HORMAD2: variants seen among roughly 807,000 people sequenced by gnomAD.
HORMAD2 encodes the protein HORMA domain-containing protein 2.
Under a neutral mutation model 38.8 loss-of-function variants are expected in HORMAD2, and 45 were observed. The ratio of observed to expected loss-of-function variants is 1.16; its 90% CI spans 0.91 to 1.49. The LOEUF (loss-of-function observed/expected upper bound fraction) is 1.49, where lower values mean the gene tolerates loss of function less well. Ranked by LOEUF, HORMAD2 falls within the 40% of genes most tolerant of loss-of-function variation. The pLI, the probability that HORMAD2 is intolerant of heterozygous loss-of-function variation, is 0.00. For synonymous variants in HORMAD2, 126 were observed against 122.8 expected (o/e 1.03, Z -0.17); for missense variants, 338 against 367.0 (o/e 0.92, Z 0.65).
downstream of HORMAD2, among the ~76,000 whole-genome samples, chr22:30,178,009 C>T (rs1926554942): frequency 6.6e-6 from 1 of 152,126 alleles, no homozygotes; most frequent in Admixed American, 6.6e-5. Context: ...CTACAATTGT[C>T]AGTTGTCAAA....
chr22:30,098,772 C>A, intron 2 of HORMAD2, 80 bp from the exon 3 acceptor site: 1 of 1,191,036 alleles, frequency 8.4e-7, no homozygotes, highest in Middle Eastern at 2.9e-4. Context: ...GAAATCTTTT[C>A]ATCATATATG....
At chr22:30,206,907 A>G in the HORMAD2 span, 19 of 354,246 alleles carry the variant, frequency 5.4e-5, no homozygotes, top group South Asian at 4.1e-4. Flanking sequence ...ACCTCAAGTG[A>G]CACCCGAGCA....
At chr22:30,155,101 GA>G (rs1192514576) in intron 10 of HORMAD2, among the ~76,000 whole-genome samples, 1 of 150,648 alleles carries the variant, frequency 6.6e-6, no homozygotes, top group Admixed American at 6.6e-5. Flanking sequence ...AAGAAAGAAA[GA>G]AAGAAGGAAT....
At chr22:30,202,398 G>A in the HORMAD2 span, among the ~76,000 whole-genome samples, 4 of 151,510 alleles carry the variant, frequency 2.6e-5, no homozygotes, top group Non-Finnish European at 4.4e-5. Context: ...GAGTGGAATG[G>A]ATTTTTTTTT....
At chr22:30,200,731 G>GTATTATTATTATTAT in the HORMAD2 span, among the ~76,000 whole-genome samples, 2,194 of 141,512 alleles carry the variant, frequency 0.016, 30 homozygotes, top group Admixed American at 0.036. Flanking sequence ...CAACAGAAAT[G>GTATTATTATTATTAT]TATTATTATT....
the HORMAD2 span, chr22:30,184,658 G>T: frequency 6.6e-6 from 1 of 152,140 alleles, no homozygotes; most frequent in Non-Finnish European, 1.5e-5. Context: ...AGAGGAGGTG[G>T]TAGAACGATC....
rs34150968 is a variant in HORMAD2, at chr22:30,093,956, G to A, written c.4G>A (p.Ala2Thr). The A allele has an allele frequency of 8.9e-3, 14,207 of 1,602,492 alleles. 62 individuals carry two copies. Among genetic ancestry groups the A allele is most frequent in the Non-Finnish European group, 0.011 (13,245 of 1,172,364 alleles). M[A>T]TAQLSHCITI... Reference sequence around the variant, plus strand: ...ATAATCCTGATACATTCCTACAATGGCCACTGCTCAGCTTTCTCACTGCAT... The same window carrying A: ...ATAATCCTGATACATTCCTACAATGACCACTGCTCAGCTTTCTCACTGCAT... Residue 2 changes from alanine (A) to threonine (T), a missense_variant, in exon 2 of 11, where the codon GCC (alanine) becomes ACC (threonine). By Grantham distance (58) the Ala-to-Thr change is moderately conservative. Transcript: ENST00000336726.
At position 30,122,101 on chromosome 22, in the gene HORMAD2, AC is replaced by A. The variant is rs1240892128; in HGVS notation, c.707del (p.Thr236LysfsTer6). The A allele has an allele frequency of 3.7e-6, 6 of 1,613,788 alleles. No individual in the cohort carries two copies. The highest frequency in any genetic ancestry group is 1.7e-5 in the Admixed American group (1 of 59,952). The part of the protein sequence containing the change: ...GFHSMKVKVM[T>X]EATKVIDLEN... ...TCATAGCATGAAAGTAAAAGTCATGACAGAGGCTACAAAAGTGATTGATTTG... is the reference window on the plus strand; with the variant it reads ...TCATAGCATGAAAGTAAAAGTCATGAAGAGGCTACAAAAGTGATTGATTTG... On this transcript the variant is annotated frameshift_variant, in exon 10 of 11. Transcript: ENST00000336726. LOFTEE classifies it high-confidence loss of function.
At chr22:30,099,342 G>A (rs191763954) in intron 3 of HORMAD2, among the ~76,000 whole-genome samples, 339 of 152,278 alleles carry the variant, frequency 2.2e-3, no homozygotes, top group Non-Finnish European at 3.9e-3. Context: ...TTAGCATTGA[G>A]GAAGTTCAAA....
chr22:30,145,956 A>G (rs1924386476), intron 10 of HORMAD2, among the ~76,000 whole-genome samples: 5 of 152,242 alleles, frequency 3.3e-5, no homozygotes, highest in African/African-American at 1.2e-4. Flanking sequence ...AATATCTCTC[A>G]TGACTATGGC....
the HORMAD2 span, among the ~76,000 whole-genome samples, chr22:30,197,134 T>G: frequency 6.6e-6 from 1 of 151,708 alleles, no homozygotes; most frequent in African/African-American, 2.4e-5. Context: ...CTAGAGGGAG[T>G]GCTGGGTGAT....
the HORMAD2 span, among the ~76,000 whole-genome samples, chr22:30,188,152 T>C: frequency 6.6e-6 from 1 of 152,184 alleles, no homozygotes; most frequent in East Asian, 1.9e-4. Flanking sequence ...AAGACAGTAG[T>C]GGTCATTGCT....
chr22:30,103,156 G>A (rs938869821), intron 3 of HORMAD2, among the ~76,000 whole-genome samples: 8 of 152,038 alleles, frequency 5.3e-5, no homozygotes, highest in African/African-American at 1.2e-4. Flanking sequence ...ATTCTACAGC[G>A]GCAAAGAAAG....
At chr22:30,150,204 A>T (rs553720656) in intron 10 of HORMAD2, among the ~76,000 whole-genome samples, 6 of 152,206 alleles carry the variant, frequency 3.9e-5, no homozygotes, top group South Asian at 2.1e-4. Context: ...TTCGATTTTT[A>T]AAAAAATAAT....
At chr22:30,170,045 T>C (rs532551142) in intron 10 of HORMAD2, among the ~76,000 whole-genome samples, 2 of 152,266 alleles carry the variant, frequency 1.3e-5, no homozygotes, top group East Asian at 1.9e-4. Context: ...AAAATATAAA[T>C]GTTAAGGGAA....
chr22:30,186,799 G>T, the HORMAD2 span, among the ~76,000 whole-genome samples: 8 of 151,826 alleles, frequency 5.3e-5, 1 homozygote, highest in Admixed American at 2.0e-4. Context: ...AAAGGTCAAG[G>T]ATCCTTTCAG....
the HORMAD2 span, among the ~76,000 whole-genome samples, chr22:30,186,989 C>T: frequency 6.6e-6 from 1 of 152,142 alleles, no homozygotes; most frequent in Non-Finnish European, 1.5e-5. Context: ...TCGACACCCA[C>T]CAAATGTCAA....
At chr22:30,182,303 T>C in the HORMAD2 span, among the ~76,000 whole-genome samples, 1 of 152,218 alleles carries the variant, frequency 6.6e-6, no homozygotes, top group Non-Finnish European at 1.5e-5. Flanking sequence ...AGCTGGCACA[T>C]AGAAAGTTAA....
chr22:30,133,370 A>G (rs1375374316), intron 10 of HORMAD2, among the ~76,000 whole-genome samples: 1 of 151,894 alleles, frequency 6.6e-6, no homozygotes, highest in Admixed American at 6.6e-5. Flanking sequence ...TCAGAAGACC[A>G]GTCCTTCTGA....
Sources: allele counts gnomAD v4.1 joint callset (sites outside exome capture counted in the v4.1 genomes callset), GRCh38; gene constraint gnomAD v4.1.1; transcripts MANE v1.5; gene names NCBI Gene and HGNC (gene_info 2026-07-23, HGNC 2026-07-21).